ANKRD12: variants seen among roughly 807,000 people sequenced by gnomAD.
ANKRD12 encodes the protein ankyrin repeat domain-containing protein 12.
Under a neutral mutation model 183.4 loss-of-function variants are expected in ANKRD12, and 85 were observed. The observed-to-expected ratio is 0.46, with a 90% CI of 0.39 to 0.56. The LOEUF (loss-of-function observed/expected upper bound fraction) is 0.56. Among genes scored for constraint, ANKRD12 ranks in the 20% least tolerant of loss-of-function variants. The pLI, the probability that ANKRD12 is intolerant of heterozygous loss-of-function variation, is 0.00. For missense variants in ANKRD12, 2,405 were observed against 2,357.1 expected, an observed-to-expected ratio of 1.02 and a Z score of -0.42; for synonymous variants, 914 against 800.2, an observed-to-expected ratio of 1.14 and a Z score of -2.40.
At position 9,257,364 on chromosome 18, in the gene ANKRD12, A is replaced by G. The variant is rs1472024259; in HGVS notation, c.4097A>G (p.His1366Arg). 1.2e-6 allele frequency: 2 copies of G among 1,614,172 alleles called. No individual in the cohort carries two copies. Among genetic ancestry groups the G allele is most frequent in the Admixed American group, 1.7e-5 (1 of 60,018 alleles). Residue 1366 changes from histidine to arginine, a missense_variant, in exon 9 of 13, where the codon CAT becomes CGT. Physicochemically the swap from His to Arg is conservative, Grantham distance 29. Transcript: ENST00000262126. ...ERDLSNVSNI[H>R]SSFATSPTGA... ...GACCTTTCAAATGTATCTAACATAC[A>G]TTCCAGTTTTGCAACTTCTCCAACT...
Position 9,279,544 on chromosome 18 carries a change from T to C in ANKRD12, c.5908-5T>C. The C allele has an allele frequency of 6.4e-7, 1 of 1,559,524 alleles. No homozygotes were observed. Among genetic ancestry groups the C allele is most frequent in the Non-Finnish European group, 8.8e-7 (1 of 1,140,246 alleles). ...TATTTTATAATACTCACTTTTCTCT[T>C]TTAGTCTGATGACAGTAAAACTTCT... On this transcript the variant is annotated splice_polypyrimidine_tract_variant and splice_region_variant and intron_variant, in intron 11 of 12. Transcript: ENST00000262126.
chr18:9,223,246 C>T (rs1456124570), intron 8 of ANKRD12, among the ~76,000 whole-genome samples: 1 of 150,990 alleles, frequency 6.6e-6, no homozygotes, highest in Admixed American at 6.6e-5. Context: ...ATGGTGAAAC[C>T]CCACCTCTCT....
chr18:9,222,203 A>G (rs945187680), intron 8 of ANKRD12, among the ~76,000 whole-genome samples: 5 of 152,172 alleles, frequency 3.3e-5, no homozygotes, highest in Non-Finnish European at 7.4e-5. Flanking sequence ...TGAAGTCATA[A>G]TGCCATTGCC....
In ANKRD12 at chr18:9,254,952, A is replaced by G; in HGVS notation, c.1685A>G (p.His562Arg). The G allele has an allele frequency of 6.2e-7, 1 of 1,604,982 alleles. No individual in the cohort carries two copies. Among genetic ancestry groups the G allele is most frequent in the Non-Finnish European group, 8.5e-7 (1 of 1,176,820 alleles). ...EKQSTPLKQEHTKTCLSPGSS... is the reference protein window; with the variant it reads ...EKQSTPLKQERTKTCLSPGSS... ...CAGTCAACACCACTAAAACAAGAAC[A>G]TACTAAAACATGTTTATCACCAGGA... The change falls in exon 9 of 13, where the codon CAT becomes CGT. Residue 562 changes from histidine (H) to arginine (R), a missense_variant. Transcript: ENST00000262126.
rs1259278635 is a variant in ANKRD12, at chr18:9,149,789, TTAAA to T, written c.-52+12826_-52+12829del. 7.9e-5 allele frequency among the ~76,000 whole-genome samples: 8 copies of T among 101,084 alleles called. No individual in the cohort carries two copies. In the South Asian group the frequency reaches 1.4e-3, roughly 18 times the overall value. 66.3% of individuals were successfully genotyped at this position (101,084 alleles called of 152,430 possible). ...TTGTAATGATTTATTTATTTATTTA[TTAAA>T]TTTTATTTTTTTTTTTTTTTGAGAC... is the stretch of plus-strand genomic sequence containing the variant. On this transcript the variant is annotated intron_variant, in intron 1 of 12. Transcript: ENST00000262126.
chr18:9,263,240 A>G (rs1567991495), intron 9 of ANKRD12, among the ~76,000 whole-genome samples: 1 of 152,196 alleles, frequency 6.6e-6, no homozygotes, highest in Non-Finnish European at 1.5e-5. Flanking sequence ...GATGAACCAG[A>G]AGCTTTTTGG....
chr18:9,186,861 C>G (rs1380955965), intron 2 of ANKRD12, among the ~76,000 whole-genome samples: 1 of 151,242 alleles, frequency 6.6e-6, no homozygotes, highest in African/African-American at 2.4e-5. Flanking sequence ...ACGCCATTCT[C>G]CTGCCTCAGC....
chr18:9,232,859 T>TTGC (rs1376519643), intron 8 of ANKRD12, among the ~76,000 whole-genome samples: 1 of 151,274 alleles, frequency 6.6e-6, no homozygotes, highest in African/African-American at 2.4e-5. Flanking sequence ...TTTGTTGTTG[T>TTGC]TGTTGTTTAA....
In ANKRD12 at chr18:9,275,755, TG is replaced by T. The variant is rs370000018; in HGVS notation, c.5907+89del. On this transcript the variant is annotated intron_variant, in intron 11 of 12. Transcript: ENST00000262126. The stretch of plus-strand genomic sequence containing the variant: ...AGAATCTATTTCCATAGAAAGAACT[TG>T]AACTCAACAATCATTAAAGGTCAAA... The T allele has an allele frequency of 6.3e-5, 81 of 1,290,496 alleles. No individual in the cohort carries two copies. The African/African-American group carries it at 1.0e-3, about 16-fold the overall frequency. The allele number at this position is 1,290,496 out of a possible 1,614,324, so 79.9% of individuals were successfully genotyped here.
Position 9,193,961 on chromosome 18 carries a change from A to T in ANKRD12, c.88-1590A>T, listed in dbSNP as rs1318216315. Among the ~76,000 whole-genome samples the T allele has an allele frequency of 2.0e-5, 3 of 152,138 alleles. No homozygotes were observed. The East Asian group carries it at 5.8e-4, about 29-fold the overall frequency. On this transcript the variant is annotated intron_variant, in intron 2 of 12. Transcript: ENST00000262126. ...TAATACCTATAGGTCACTTCACCTG[A>T]TTGGGCGAGTACTTAGTATTTTTGT...
At chr18:9,226,506 A>G (rs898313098) in intron 8 of ANKRD12, among the ~76,000 whole-genome samples, 1 of 152,106 alleles carries the variant, frequency 6.6e-6, no homozygotes, top group African/African-American at 2.4e-5. Flanking sequence ...CCTCCCACTG[A>G]TCATTTTATA....
intron 3 of ANKRD12, among the ~76,000 whole-genome samples, chr18:9,202,433 C>A (rs2035227354): frequency 6.6e-6 from 1 of 152,006 alleles, no homozygotes; most frequent in South Asian, 2.1e-4. Context: ...AGAATAATCA[C>A]CTTTGGTGAT....
At chr18:9,259,531 A>G (rs2038847568) in intron 9 of ANKRD12, 1 of 152,172 alleles carries the variant, frequency 6.6e-6, no homozygotes, top group South Asian at 2.1e-4. Context: ...TGCAAAGGTG[A>G]TGTAATTCAA....
At chr18:9,280,721 G>A (rs573568149) in intron 12 of ANKRD12, among the ~76,000 whole-genome samples, 33 of 152,110 alleles carry the variant, frequency 2.2e-4, no homozygotes, top group African/African-American at 7.5e-4. Context: ...CCCAGGAGGC[G>A]GAGGTTGCAG....
intron 1 of ANKRD12, among the ~76,000 whole-genome samples, chr18:9,149,771 GATTT>G (rs376013950): frequency 2.4e-4 from 3 of 12,490 alleles, no homozygotes; most frequent in East Asian, 1.8e-3. Context: ...TATTTGTAAT[GATTT>G]ATTTATTTAT....
intron 8 of ANKRD12, among the ~76,000 whole-genome samples, chr18:9,227,648 C>T (rs954177050): frequency 6.6e-6 from 1 of 152,074 alleles, no homozygotes; most frequent in African/African-American, 2.4e-5. Flanking sequence ...GATGTTGAAA[C>T]CCATGAGTTT....
intron 6 of ANKRD12, among the ~76,000 whole-genome samples, chr18:9,213,935 AATG>A (rs2035947079): frequency 6.6e-6 from 1 of 151,978 alleles, no homozygotes; most frequent in African/African-American, 2.4e-5. Context: ...TCATAGTTTA[AATG>A]ATTATTAAAA....
chr18:9,179,541 G>A (rs1452393156), intron 1 of ANKRD12, among the ~76,000 whole-genome samples: 2 of 151,972 alleles, frequency 1.3e-5, no homozygotes, highest in Admixed American at 1.3e-4. Context: ...GCAGGGGCAG[G>A]GCCTCATTCT....
At chr18:9,254,126 A>G (rs2038457440) in intron 8 of ANKRD12, 85 bp from the exon 9 acceptor site, 17 of 1,395,928 alleles carry the variant, frequency 1.2e-5, no homozygotes, top group East Asian at 7.4e-5. Context: ...TGTATAAGCT[A>G]TATCTTTTTC....
Sources: allele counts gnomAD v4.1 joint callset (sites outside exome capture counted in the v4.1 genomes callset), GRCh38; gene constraint gnomAD v4.1.1; transcripts MANE v1.5; gene names NCBI Gene and HGNC (gene_info 2026-07-23, HGNC 2026-07-21).